PDE8A: variants seen among roughly 807,000 people sequenced by gnomAD.
The protein encoded by PDE8A is phosphodiesterase 8A.
PDE8A carries 59 observed loss-of-function variants against 105.0 expected under a neutral mutation model. The observed-to-expected ratio is 0.56, with a 90% CI of 0.46 to 0.70. The LOEUF (loss-of-function observed/expected upper bound fraction) is 0.70. Ranked by LOEUF, PDE8A falls within the 30% of genes least tolerant of loss-of-function variation. The pLI is 0.00. For missense variants in PDE8A, 1,014 were observed against 1,045.9 expected, an observed-to-expected ratio of 0.97 and a Z score of 0.42; for synonymous variants, 355 against 371.9, an observed-to-expected ratio of 0.95 and a Z score of 0.52.
At chr15:85,137,078 G>T (rs974869989) in intron 21 of PDE8A, among the ~76,000 whole-genome samples, 2 of 152,134 alleles carry the variant, frequency 1.3e-5, no homozygotes, top group Non-Finnish European at 2.9e-5. Context: ...TTTAACTTCA[G>T]GTGGGGCACA....
chr15:85,003,250 A>G (rs2080093823), intron 1 of PDE8A, among the ~76,000 whole-genome samples: 1 of 152,198 alleles, frequency 6.6e-6, no homozygotes, highest in Admixed American at 6.5e-5. Context: ...CATTGGTGCC[A>G]TCTTTGTTTC....
At chr15:85,114,063 G>T in intron 14 of PDE8A, 26 bp downstream of exon 14, 1 of 1,593,190 alleles carries the variant, frequency 6.3e-7, no homozygotes, top group Non-Finnish European at 8.6e-7. Flanking sequence ...TAGACTCTTG[G>T]CTAGAGCCTG....
intron 9 of PDE8A, 167 bp from the exon 10 acceptor site, chr15:85,099,848 G>A (rs1054368459): frequency 1.9e-5 from 12 of 625,236 alleles, no homozygotes; most frequent in Non-Finnish European, 3.1e-5. Context: ...GGATGTTTGT[G>A]ATCTCTTCTT....
chr15:85,067,238 T>G, intron 3 of PDE8A, 34 bp downstream of exon 3: 1 of 1,479,806 alleles, frequency 6.8e-7, no homozygotes, highest in Non-Finnish European at 9.3e-7. Flanking sequence ...ATAGTCCCAT[T>G]GGCCTTTCTG....
chr15:85,078,932 A>C (rs2081422253), intron 5 of PDE8A, among the ~76,000 whole-genome samples: 1 of 152,242 alleles, frequency 6.6e-6, no homozygotes, highest in African/African-American at 2.4e-5. Flanking sequence ...GATATACATA[A>C]AATTCAGAGA....
rs913629225 is a variant in PDE8A at position 84,996,699 on chromosome 15, G to A, written c.186+14351G>A. Among the ~76,000 whole-genome samples, 5 of 151,784 alleles carry A rather than the reference G, an allele frequency of 3.3e-5. No individual in the cohort carries two copies. In the East Asian group the frequency reaches 9.7e-4, roughly 29 times the overall value. On this transcript the variant is annotated intron_variant, in intron 1 of 21. Coordinates refer to ENST00000394553, the MANE Select transcript of PDE8A (RefSeq NM_002605.3). ...AAATTAGGCGGGTATAGTGGCACATGCCTGTAATCGCAGCTACTCAGGAGG... is the reference window on the plus strand; with the variant it reads ...AAATTAGGCGGGTATAGTGGCACATACCTGTAATCGCAGCTACTCAGGAGG...
At chr15:84,996,439 C>G (rs1460170763) in intron 1 of PDE8A, among the ~76,000 whole-genome samples, 1 of 152,144 alleles carries the variant, frequency 6.6e-6, no homozygotes, top group Non-Finnish European at 1.5e-5. Flanking sequence ...CTTAGCCTCT[C>G]AAAATGCTGA....
intron 1 of PDE8A, among the ~76,000 whole-genome samples, chr15:84,996,499 A>G (rs1413773272): frequency 2.0e-5 from 3 of 152,142 alleles, no homozygotes; most frequent in Non-Finnish European, 2.9e-5. Flanking sequence ...GTATCTAAAC[A>G]TAGAAAAAGT....
chr15:85,028,198 A>C (rs1383033682), intron 1 of PDE8A, among the ~76,000 whole-genome samples: 2 of 152,200 alleles, frequency 1.3e-5, no homozygotes, highest in African/African-American at 4.8e-5. Flanking sequence ...GCTAAATCAC[A>C]GAGCATGAAC....
intron 20 of PDE8A, among the ~76,000 whole-genome samples, chr15:85,132,478 A>G (rs2082343167): frequency 6.6e-6 from 1 of 152,014 alleles, no homozygotes; most frequent in Admixed American, 6.6e-5. Context: ...TCAGCCTTCA[A>G]ATTTGAGATG....
At chr15:84,983,534 C>A (rs906474816) in intron 1 of PDE8A, among the ~76,000 whole-genome samples, 1 of 152,200 alleles carries the variant, frequency 6.6e-6, no homozygotes, top group Non-Finnish European at 1.5e-5. Context: ...CATTCCCATA[C>A]CCTAAGTGAA....
intron 9 of PDE8A, 38 bp downstream of exon 9, chr15:85,098,074 T>C (rs1196117653): frequency 8.4e-7 from 1 of 1,193,660 alleles, no homozygotes; most frequent in Admixed American, 1.7e-5. Context: ...CAACATACAG[T>C]GTTTTGGGTT....
chr15:85,131,715 G>C (rs2082332684), intron 20 of PDE8A, among the ~76,000 whole-genome samples: 1 of 152,106 alleles, frequency 6.6e-6, no homozygotes, highest in African/African-American at 2.4e-5. Flanking sequence ...TTTATATCAA[G>C]TTACTGTCTA....
intron 1 of PDE8A, among the ~76,000 whole-genome samples, chr15:85,016,843 A>G (rs901144131): frequency 1.3e-5 from 2 of 151,436 alleles, no homozygotes; most frequent in Non-Finnish European, 2.9e-5. Context: ...GAGTGTTTTT[A>G]TGACTCTCCT....
At position 85,083,309 on chromosome 15, in the gene PDE8A, C is replaced by CT. The variant is rs3835084; in HGVS notation, c.547-235dup. On this transcript the variant is annotated intron_variant, in intron 5 of 21. Coordinates refer to ENST00000394553, the MANE Select transcript of PDE8A (RefSeq NM_002605.3). ...TAACGGAAGATGCTGAAAGAAAAGC[C>CT]TTTTTTTTTTTTAAAAAAATGAAAG... Among the ~76,000 whole-genome samples the CT allele has an allele frequency of 6.1e-3, 905 of 149,140 alleles. 4 individuals carry two copies. The highest frequency in any genetic ancestry group is 9.6e-3 in the Admixed American group (143 of 14,874).
intron 1 of PDE8A, among the ~76,000 whole-genome samples, chr15:85,012,367 C>G (rs1788083855): frequency 6.6e-6 from 1 of 151,994 alleles, no homozygotes; most frequent in African/African-American, 2.4e-5. Flanking sequence ...ACTATGCAGC[C>G]ATAAAAAATG....
At chr15:85,107,434 T>C (rs2081963034) in intron 11 of PDE8A, among the ~76,000 whole-genome samples, 1 of 152,154 alleles carries the variant, frequency 6.6e-6, no homozygotes, top group African/African-American at 2.4e-5. Flanking sequence ...CTGCAGAGAA[T>C]AAGTTGAAAG....
In PDE8A at chr15:85,102,684, A is replaced by T. The variant is rs1436978163; in HGVS notation, c.1036+2486A>T. Among the ~76,000 whole-genome samples the T allele has an allele frequency of 3.9e-5, 6 of 151,916 alleles. No homozygotes were observed. The East Asian group carries it at 1.2e-3, about 29-fold the overall frequency. On this transcript the variant is annotated intron_variant, in intron 11 of 21. Coordinates refer to ENST00000394553, the MANE Select transcript of PDE8A (RefSeq NM_002605.3). ...GAGAAACCTCGTCTCTACTAAAAAT[A>T]CAAAATTAGCCAGGCGTCGTGGCGC...
intron 1 of PDE8A, among the ~76,000 whole-genome samples, chr15:85,037,398 G>T (rs1196479255): frequency 1.3e-5 from 2 of 152,014 alleles, no homozygotes; most frequent in Non-Finnish European, 2.9e-5. Flanking sequence ...TAACCATCCA[G>T]ATTAAAAAAG....
Sources: gnomAD v4.1 joint callset for allele counts (sites outside exome capture counted in the v4.1 genomes callset) on GRCh38, gnomAD v4.1.1 for gene constraint, MANE v1.5 for transcripts, NCBI Gene and HGNC (gene_info 2026-07-23, HGNC 2026-07-21) for gene names.